ENTREP2: variants seen among roughly 807,000 people sequenced by gnomAD.
The protein encoded by ENTREP2 is protein ENTREP2.
At chr15:29,315,002 A>G in the ENTREP2 span, among the ~76,000 whole-genome samples, 6 of 152,222 alleles carry the variant, frequency 3.9e-5, no homozygotes, top group Non-Finnish European at 7.3e-5. Context: ...CAGTGAGCCG[A>G]GATCGTGCCA....
At chr15:29,475,984 A>T in the ENTREP2 span, among the ~76,000 whole-genome samples, 1 of 152,248 alleles carries the variant, frequency 6.6e-6, no homozygotes, top group African/African-American at 2.4e-5. Context: ...TTCACAGACA[A>T]GATGATTGCA....
At chr15:29,522,485 C>CT in the ENTREP2 span, among the ~76,000 whole-genome samples, 1 of 152,184 alleles carries the variant, frequency 6.6e-6, no homozygotes, top group Non-Finnish European at 1.5e-5. Flanking sequence ...TCAGAATCAA[C>CT]TTTTTCAGAA....
chr15:29,283,217 T>C, the ENTREP2 span, among the ~76,000 whole-genome samples: 1 of 152,130 alleles, frequency 6.6e-6, no homozygotes, highest in Non-Finnish European at 1.5e-5. Flanking sequence ...AGTTGCAAGG[T>C]AGTACCAAGG....
chr15:29,541,569 T>C, the ENTREP2 span, among the ~76,000 whole-genome samples: 9 of 151,796 alleles, frequency 5.9e-5, no homozygotes, highest in African/African-American at 2.2e-4. Flanking sequence ...GGGTGAGACG[T>C]GAAGCATAAG....
chr15:29,252,962 CTG>C, the ENTREP2 span, among the ~76,000 whole-genome samples: 1 of 152,188 alleles, frequency 6.6e-6, no homozygotes, highest in African/African-American at 2.4e-5. Flanking sequence ...TTACGGCCAA[CTG>C]TGTTTCATTT....
At chr15:29,257,432 T>C in the ENTREP2 span, among the ~76,000 whole-genome samples, 1 of 152,200 alleles carries the variant, frequency 6.6e-6, no homozygotes, top group South Asian at 2.1e-4. Context: ...TTTTAGTCCT[T>C]TGCTATTTAT....
chr15:29,383,652 C>G, the ENTREP2 span, among the ~76,000 whole-genome samples: 1 of 152,174 alleles, frequency 6.6e-6, no homozygotes, highest in Non-Finnish European at 1.5e-5. Context: ...ACAAGGTACC[C>G]TTGGTCACAG....
the ENTREP2 span, among the ~76,000 whole-genome samples, chr15:29,310,172 T>A: frequency 6.6e-6 from 1 of 152,164 alleles, no homozygotes; most frequent in East Asian, 1.9e-4. Context: ...TCCTGAAGGT[T>A]CCATGTCCTC....
chr15:29,261,300 C>T, the ENTREP2 span, among the ~76,000 whole-genome samples: 2 of 152,184 alleles, frequency 1.3e-5, no homozygotes, highest in African/African-American at 4.8e-5. Context: ...ATCGCTTGAG[C>T]CCAAGAGTTG....
At chr15:29,429,618 C>T in the ENTREP2 span, among the ~76,000 whole-genome samples, 1 of 152,242 alleles carries the variant, frequency 6.6e-6, no homozygotes, top group Non-Finnish European at 1.5e-5. Flanking sequence ...AAAACATCAC[C>T]TGCTTTGCTG....
the ENTREP2 span, chr15:29,268,766 C>T: frequency 1.3e-6 from 2 of 1,575,008 alleles, no homozygotes; most frequent in Non-Finnish European, 1.7e-6. Flanking sequence ...GACCCTTGTC[C>T]CGGGGGTCCC....
At chr15:29,476,657 T>C in the ENTREP2 span, among the ~76,000 whole-genome samples, 4 of 152,284 alleles carry the variant, frequency 2.6e-5, no homozygotes, top group South Asian at 4.2e-4. Context: ...GGACAGACAT[T>C]TCCCTCGACT....
At chr15:29,336,900 C>T in the ENTREP2 span, among the ~76,000 whole-genome samples, 10,411 of 152,130 alleles carry the variant, frequency 0.068, 921 homozygotes, top group African/African-American at 0.21. Context: ...CCAGCAGCGC[C>T]GAGGTCCTTC....
At chr15:29,527,310 G>A in the ENTREP2 span, among the ~76,000 whole-genome samples, 1 of 152,150 alleles carries the variant, frequency 6.6e-6, no homozygotes, top group Non-Finnish European at 1.5e-5. Context: ...TGAGATCTAA[G>A]TAGATGTCCC....
At chr15:29,412,060 G>A in the ENTREP2 span, among the ~76,000 whole-genome samples, 1 of 151,906 alleles carries the variant, frequency 6.6e-6, no homozygotes, top group Non-Finnish European at 1.5e-5. Flanking sequence ...CTATGGCTCT[G>A]TCATATAATT....
At chr15:29,137,156 G>A in the ENTREP2 span, 17 of 1,481,814 alleles carry the variant, frequency 1.1e-5, 1 homozygote, top group South Asian at 2.0e-4. Context: ...GAGGAGTCAC[G>A]CAGGTGGGGT....
At chr15:29,407,643 T>A in the ENTREP2 span, among the ~76,000 whole-genome samples, 5 of 151,906 alleles carry the variant, frequency 3.3e-5, no homozygotes, top group Non-Finnish European at 7.4e-5. Flanking sequence ...AGGACATATC[T>A]CAGCAAACCA....
chr15:29,597,483 G>A, the ENTREP2 span, among the ~76,000 whole-genome samples: 12 of 151,724 alleles, frequency 7.9e-5, no homozygotes, highest in South Asian at 1.3e-3. Context: ...CAGGAGAATC[G>A]CTTGAACCCG....
At chr15:29,574,503 A>G in the ENTREP2 span, among the ~76,000 whole-genome samples, 1 of 152,202 alleles carries the variant, frequency 6.6e-6, no homozygotes, top group Admixed American at 6.5e-5. Context: ...CATGTTGGCC[A>G]GGATGGTCTA....
Sources: allele counts gnomAD v4.1 joint callset (sites outside exome capture counted in the v4.1 genomes callset), GRCh38; gene constraint gnomAD v4.1.1; transcripts MANE v1.5; gene names NCBI Gene and HGNC (gene_info 2026-07-23, HGNC 2026-07-21).